Variants in TRHDE observed in about 807,000 individuals in gnomAD.
TRHDE encodes the protein thyrotropin-releasing hormone-degrading ectoenzyme.
In TRHDE, 72 loss-of-function variants were observed where a neutral mutation model predicts 125.7. The observed-to-expected ratio is 0.57, with a 90% CI of 0.47 to 0.70. The LOEUF is 0.70. Ranked by LOEUF, TRHDE falls within the 30% of genes least tolerant of loss-of-function variation. TRHDE has a pLI of 0.00. For missense variants in TRHDE, 1,110 were observed against 1,327.1 expected (o/e 0.84, Z 2.54); for synonymous variants, 509 against 509.1 (o/e 1.00, Z 0.00).
intron 12 of TRHDE, among the ~76,000 whole-genome samples, chr12:72,579,174 CT>C (rs1871133606): frequency 6.6e-6 from 1 of 151,792 alleles, no homozygotes; most frequent in Non-Finnish European, 1.5e-5. Context: ...TGGGGTATGA[CT>C]TTTTAAATAA....
At chr12:72,278,057 A>G (rs745820972) in intron 1 of TRHDE, among the ~76,000 whole-genome samples, 41 of 152,240 alleles carry the variant, frequency 2.7e-4, no homozygotes, top group Non-Finnish European at 4.6e-4. Context: ...TTTTCTAAGT[A>G]ATTATATATC....
At chr12:72,234,543 A>C (rs905506519) in intron 2 of TRHDE, among the ~76,000 whole-genome samples, 1 of 152,224 alleles carries the variant, frequency 6.6e-6, no homozygotes, top group African/African-American at 2.4e-5. Context: ...AGTAAATAGA[A>C]GGTAGAGACA....
chr12:72,264,016 C>T (rs930401490), intron 2 of TRHDE: 1 of 151,930 alleles, frequency 6.6e-6, no homozygotes, highest in Non-Finnish European at 1.5e-5. Context: ...TGAAATGACT[C>T]CATAAATGCG....
rs115290175 is a variant in TRHDE at position 72,464,437 on chromosome 12, T to A, written c.1316-5321T>A. ...TTCAAGATGACTCTTTGTTGCTGCA[T>A]TCTCCGGAGGGGATGAATGTTGTAT... is the stretch of plus-strand genomic sequence containing the variant. On this transcript the variant is annotated intron_variant, in intron 3 of 18. Transcript: ENST00000261180. Among the ~76,000 whole-genome samples, 848 of 152,246 alleles carry A rather than the reference T, an allele frequency of 5.6e-3. 3 individuals carry two copies. The highest frequency in any genetic ancestry group is 0.019 in the African/African-American group (776 of 41,538).
At chr12:72,467,955 A>G (rs1416679862) in intron 3 of TRHDE, among the ~76,000 whole-genome samples, 2 of 152,240 alleles carry the variant, frequency 1.3e-5, no homozygotes, top group Non-Finnish European at 2.9e-5. Context: ...TTTAAAGCAT[A>G]TGGGAAAGAA....
intron 12 of TRHDE, among the ~76,000 whole-genome samples, chr12:72,589,806 TTTAA>T (rs1871593812): frequency 6.6e-6 from 1 of 152,106 alleles, no homozygotes; most frequent in Non-Finnish European, 1.5e-5. Context: ...TTGTGATTCT[TTTAA>T]TTAGAGTTAA....
At chr12:72,474,061 T>G (rs1283066315) in intron 5 of TRHDE, among the ~76,000 whole-genome samples, 1 of 152,006 alleles carries the variant, frequency 6.6e-6, no homozygotes, top group African/African-American at 2.4e-5. Context: ...TATACATACA[T>G]ATATATACAC....
At chr12:72,519,548 A>G (rs970791187) in intron 6 of TRHDE, among the ~76,000 whole-genome samples, 1 of 152,102 alleles carries the variant, frequency 6.6e-6, no homozygotes, top group Non-Finnish European at 1.5e-5. Flanking sequence ...CATTCTTCTA[A>G]ACTTTTTTCA....
At chr12:72,232,757 T>C (rs1361977779) in intron 2 of TRHDE, among the ~76,000 whole-genome samples, 1 of 152,120 alleles carries the variant, frequency 6.6e-6, no homozygotes, top group Non-Finnish European at 1.5e-5. Flanking sequence ...CTTCTTCTCC[T>C]ATTTCCTTTA....
chr12:72,454,850 A>G (rs1413691802), intron 3 of TRHDE, among the ~76,000 whole-genome samples: 1 of 152,164 alleles, frequency 6.6e-6, no homozygotes, highest in Non-Finnish European at 1.5e-5. Flanking sequence ...CTAGAGTGTG[A>G]TAGTTTTCTC....
intron 6 of TRHDE, among the ~76,000 whole-genome samples, chr12:72,531,227 G>A (rs183971599): frequency 2.0e-5 from 3 of 152,108 alleles, no homozygotes; most frequent in Admixed American, 1.3e-4. Flanking sequence ...GAGATTAAAT[G>A]TTTTTCATGT....
rs1349874478 is a variant in TRHDE, at chr12:72,669,377, C to G, written c.*6182C>G. 1 of 151,774 alleles carries G rather than the reference C, an allele frequency of 6.6e-6. No homozygotes were observed. Among genetic ancestry groups the G allele is most frequent in the Non-Finnish European group, 1.5e-5 (1 of 67,838 alleles). 9.4% of individuals were successfully genotyped at this position (151,774 alleles called of 1,614,324 possible). On this transcript the variant is annotated 3_prime_UTR_variant, in exon 19 of 19. Transcript: ENST00000261180. ...TGGGTTTGCTGTGTGAAGATACAGT[C>G]TAAGATAAGTGCTTTGACTTGCCTC...
At chr12:72,444,727 T>C (rs1233366451) in intron 3 of TRHDE, among the ~76,000 whole-genome samples, 1 of 151,788 alleles carries the variant, frequency 6.6e-6, no homozygotes, top group Non-Finnish European at 1.5e-5. Flanking sequence ...GGCTAAGAAA[T>C]GTCTGTTAGT....
intron 3 of TRHDE, among the ~76,000 whole-genome samples, chr12:72,457,356 CTT>C (rs1373433445): frequency 6.6e-6 from 1 of 151,962 alleles, no homozygotes; most frequent in Non-Finnish European, 1.5e-5. Flanking sequence ...ATCTGTTCTT[CTT>C]TTTTCTCTCT....
intron 6 of TRHDE, among the ~76,000 whole-genome samples, chr12:72,512,934 C>T (rs1309998979): frequency 6.6e-6 from 1 of 151,854 alleles, no homozygotes; most frequent in African/African-American, 2.4e-5. Flanking sequence ...GGAGGTTGAA[C>T]TGAATTGATC....
At chr12:72,208,335 G>A (rs1877710717) in intron 2 of TRHDE, among the ~76,000 whole-genome samples, 1 of 152,084 alleles carries the variant, frequency 6.6e-6, no homozygotes, top group African/African-American at 2.4e-5. Flanking sequence ...AGGAGGAGGG[G>A]CAGGGCACAT....
At chr12:72,262,352 C>G (rs1202523444) in intron 2 of TRHDE, among the ~76,000 whole-genome samples, 2 of 152,062 alleles carry the variant, frequency 1.3e-5, no homozygotes, top group Non-Finnish European at 2.9e-5. Context: ...AAGGAAACTC[C>G]TATAGAACAT....
intron 7 of TRHDE, among the ~76,000 whole-genome samples, chr12:72,543,758 TAC>T (rs916987243): frequency 6.7e-6 from 1 of 150,122 alleles, no homozygotes; most frequent in Non-Finnish European, 1.5e-5. Flanking sequence ...ATTGAATAAC[TAC>T]AGTTATATTA....
At chr12:72,421,981 C>T (rs1873974447) in intron 3 of TRHDE, among the ~76,000 whole-genome samples, 1 of 152,070 alleles carries the variant, frequency 6.6e-6, no homozygotes, top group Non-Finnish European at 1.5e-5. Flanking sequence ...ATATATATGT[C>T]TACCTTTATT....
Sources: allele counts gnomAD v4.1 joint callset (sites outside exome capture counted in the v4.1 genomes callset), GRCh38; gene constraint gnomAD v4.1.1; transcripts MANE v1.5; gene names NCBI Gene and HGNC (gene_info 2026-07-23, HGNC 2026-07-21).